SASH1: variants seen among roughly 807,000 people sequenced by gnomAD.
The protein encoded by SASH1 is SAM and SH3 domain-containing protein 1.
A neutral mutation model predicts 125.2 loss-of-function variants in SASH1; 44 were observed. The observed-to-expected ratio is 0.35, with a 90% CI of 0.28 to 0.45. The LOEUF (loss-of-function observed/expected upper bound fraction) is 0.45. Ranked by LOEUF, SASH1 falls within the 20% of genes least tolerant of loss-of-function variation. The probability of loss-of-function intolerance (pLI) is 1.00; values close to 1 mark genes in which losing one functional copy is unlikely to be tolerated. For synonymous variants in SASH1, 639 were observed against 649.1 expected (o/e 0.98, Z 0.24); for missense variants, 1,426 against 1,614.5 (o/e 0.88, Z 2.00).
At chr6:148,242,614 A>G in the SASH1 span, among the ~76,000 whole-genome samples, 49 of 152,344 alleles carry the variant, frequency 3.2e-4, no homozygotes, top group Middle Eastern at 3.4e-3. Context: ...TTTATCATTC[A>G]CAAGGTTATT....
chr6:148,219,472 G>T, the SASH1 span, among the ~76,000 whole-genome samples: 53 of 152,210 alleles, frequency 3.5e-4, no homozygotes, highest in Non-Finnish European at 5.0e-4. Flanking sequence ...TTCCCACTCA[G>T]CTGCATGCAT....
At position 148,540,500 on chromosome 6, in the gene SASH1, G is replaced by A. The variant is rs550049892; in HGVS notation, c.2153G>A (p.Ser718Asn). The change falls in exon 17 of 20, where the codon AGT becomes AAT. Residue 718 changes from serine (S) to asparagine (N), a missense_variant. Physicochemically the swap from Ser to Asn is conservative, Grantham distance 46 (BLOSUM62 1). Coordinates refer to ENST00000367467, the MANE Select transcript of SASH1 (RefSeq NM_015278.5). ...EKLLVDSQGL[S>N]GCSPRDSGCY... The stretch of plus-strand genomic sequence containing the variant: ...CTGCTCGTTGACAGCCAGGGCCTGA[G>A]TGGATGCTCACCCCGAGACTCAGGA... 6.4e-5 allele frequency: 103 copies of A among 1,614,128 alleles called. No homozygotes were observed. In the South Asian group the frequency reaches 1.1e-3, roughly 17 times the overall value.
At chr6:148,215,776 C>A in the SASH1 span, among the ~76,000 whole-genome samples, 2 of 152,136 alleles carry the variant, frequency 1.3e-5, no homozygotes, top group African/African-American at 4.8e-5. Flanking sequence ...CTTGCTGGAA[C>A]TTTTCCACAG....
chr6:148,274,789 G>A (rs1779143114), intron 1 of SASH1, among the ~76,000 whole-genome samples: 2 of 152,150 alleles, frequency 1.3e-5, no homozygotes, highest in Admixed American at 1.3e-4. Context: ...AAATCAGTGT[G>A]GCAGAGACTT....
At chr6:148,450,794 T>C (rs571616369) in intron 4 of SASH1, among the ~76,000 whole-genome samples, 1 of 152,222 alleles carries the variant, frequency 6.6e-6, no homozygotes, top group Non-Finnish European at 1.5e-5. Context: ...CAATCCATTC[T>C]GAGTGTCATT....
intron 8 of SASH1, chr6:148,513,428 A>G (rs1443783215): frequency 3.0e-6 from 3 of 985,338 alleles, no homozygotes; most frequent in Non-Finnish European, 3.6e-6. Flanking sequence ...GCTGTTTCAC[A>G]TTTTGAACAG....
At chr6:148,515,909 A>T (rs1167911313) in intron 9 of SASH1, among the ~76,000 whole-genome samples, 1 of 152,214 alleles carries the variant, frequency 6.6e-6, no homozygotes, top group Non-Finnish European at 1.5e-5. Context: ...TAACTGAGAT[A>T]ACATGGGCAA....
chr6:148,298,552 G>C (rs1429132165), intron 1 of SASH1, among the ~76,000 whole-genome samples: 1 of 151,042 alleles, frequency 6.6e-6, no homozygotes, highest in Non-Finnish European at 1.5e-5. Flanking sequence ...AAGGTGGGAG[G>C]ATCACTTGAG....
chr6:148,423,048 C>T (rs1775641348), intron 2 of SASH1, among the ~76,000 whole-genome samples: 1 of 152,186 alleles, frequency 6.6e-6, no homozygotes, highest in Non-Finnish European at 1.5e-5. Flanking sequence ...AAGCGATTCT[C>T]CTGCCTCAGC....
chr6:148,490,119 G>C (rs763984814), intron 8 of SASH1, among the ~76,000 whole-genome samples: 2 of 149,294 alleles, frequency 1.3e-5, no homozygotes, highest in Non-Finnish European at 3.0e-5. Context: ...TACGTACCTT[G>C]TATTATTCAC....
At chr6:148,493,587 T>C (rs1376573993) in intron 8 of SASH1, among the ~76,000 whole-genome samples, 1 of 152,208 alleles carries the variant, frequency 6.6e-6, no homozygotes, top group Non-Finnish European at 1.5e-5. Flanking sequence ...AATGCCTATA[T>C]TGATGCCTGT....
chr6:148,439,322 G>A (rs745905345), intron 2 of SASH1, among the ~76,000 whole-genome samples: 23 of 152,120 alleles, frequency 1.5e-4, no homozygotes, highest in Non-Finnish European at 1.9e-4. Flanking sequence ...GATACCGCGC[G>A]AGTGTTTGTT....
At chr6:148,281,238 G>A (rs11759273) in intron 1 of SASH1, among the ~76,000 whole-genome samples, 4,173 of 151,220 alleles carry the variant, frequency 0.028, 90 homozygotes, top group Non-Finnish European at 0.044. Context: ...GATTACAGGC[G>A]TGAGCCACCG....
chr6:148,476,139 A>G (rs763972383), intron 7 of SASH1, among the ~76,000 whole-genome samples: 5 of 152,136 alleles, frequency 3.3e-5, no homozygotes, highest in Non-Finnish European at 7.4e-5. Context: ...TCAGCAACAA[A>G]TACTCTGAAA....
At chr6:148,506,244 C>T (rs929029216) in intron 8 of SASH1, among the ~76,000 whole-genome samples, 3 of 151,812 alleles carry the variant, frequency 2.0e-5, no homozygotes, top group Admixed American at 6.5e-5. Context: ...GAGGCCAAGG[C>T]AGGCAGATCA....
rs10710533 is a variant in SASH1, at chr6:148,514,458, T to TAAAAAAAAAAAAAAAAA, written c.862+14_862+30dup. 9 of 573,374 alleles carry TAAAAAAAAAAAAAAAAA rather than the reference T, an allele frequency of 1.6e-5. No individual in the cohort carries two copies. Among genetic ancestry groups the TAAAAAAAAAAAAAAAAA allele is most frequent in the South Asian group, 4.4e-5 (1 of 22,540 alleles). The allele number at this position is 573,374 out of a possible 1,614,324, so 35.5% of individuals were successfully genotyped here. On this transcript the variant is annotated splice_region_variant and intron_variant, in intron 9 of 19. Coordinates refer to ENST00000367467, the MANE Select transcript of SASH1 (RefSeq NM_015278.5). Reference sequence around the variant, plus strand: ...AAATGAAAAAACCCAGCACTGAAGGTAAAAAAAAAAAAAAAAAAAAAAAAA... The same window carrying TAAAAAAAAAAAAAAAAA: ...AAATGAAAAAACCCAGCACTGAAGGTAAAAAAAAAAAAAAAAAAAAAAAAAAAAAAAAAAAAAAAAAA...
chr6:148,524,122 T>TATATATATATA (rs1491367203), intron 10 of SASH1, among the ~76,000 whole-genome samples: 1 of 92,994 alleles, frequency 1.1e-5, no homozygotes, highest in Non-Finnish European at 2.3e-5. Context: ...TATATATATA[T>TATATATATATA]TTTTTTTAAT....
the SASH1 span, among the ~76,000 whole-genome samples, chr6:148,262,951 T>C: frequency 6.6e-6 from 1 of 152,150 alleles, no homozygotes; most frequent in African/African-American, 2.4e-5. Flanking sequence ...GCTGGGGTTG[T>C]AAATTCAGGC....
At chr6:148,522,275 TCAA>T (rs1223154589) in intron 10 of SASH1, among the ~76,000 whole-genome samples, 1 of 152,236 alleles carries the variant, frequency 6.6e-6, no homozygotes, top group Non-Finnish European at 1.5e-5. Context: ...AGTTGTACAA[TCAA>T]ACAAATTTAA....
Sources: allele counts gnomAD v4.1 joint callset (sites outside exome capture counted in the v4.1 genomes callset), GRCh38; gene constraint gnomAD v4.1.1; transcripts MANE v1.5; gene names NCBI Gene and HGNC (gene_info 2026-07-23, HGNC 2026-07-21).